KIF17: variants seen among roughly 807,000 people sequenced by gnomAD.
KIF17 encodes kinesin family member 17, also known as kinesin-like protein KIF17.
In KIF17, 80 loss-of-function variants were observed where a neutral mutation model predicts 96.8. The observed-to-expected ratio is 0.83, with a 90% confidence interval of 0.69 to 1.00. KIF17 has a LOEUF of 1.00. Among genes scored for constraint, KIF17 ranks in the 50% least tolerant of loss-of-function variants. KIF17 has a pLI of 0.00. For missense variants in KIF17, 1,280 were observed against 1,372.9 expected, an observed-to-expected ratio of 0.93 and a Z score of 1.07; for synonymous variants, 567 against 587.5, an observed-to-expected ratio of 0.97 and a Z score of 0.51.
intron 6 of KIF17, among the ~76,000 whole-genome samples, chr1:20,695,153 T>C (rs990631085): frequency 7.9e-5 from 12 of 151,966 alleles, no homozygotes; most frequent in Non-Finnish European, 1.3e-4. Context: ...CACACATGCA[T>C]GTGCACAGCA....
At chr1:20,664,807 G>T in intron 14 of KIF17, 45 bp from the exon 15 acceptor site, 1 of 1,577,862 alleles carries the variant, frequency 6.3e-7, no homozygotes, top group South Asian at 1.1e-5. Flanking sequence ...GGAGCGCAGG[G>T]ATGGAGAGAA....
chr1:20,710,343 G>A (rs61778505), intron 3 of KIF17, among the ~76,000 whole-genome samples: 9,637 of 152,110 alleles, frequency 0.063, 391 homozygotes, highest in South Asian at 0.094. Context: ...CCTCTGCCGT[G>A]GCTCTAGAAC....
chr1:20,668,213 G>A (rs1480885381), intron 13 of KIF17, among the ~76,000 whole-genome samples: 2 of 151,972 alleles, frequency 1.3e-5, no homozygotes, highest in African/African-American at 2.4e-5. Context: ...GGGAGGCTGA[G>A]GCAGGAGAAT....
At chr1:20,675,124 C>G (rs1208228086) in intron 11 of KIF17, among the ~76,000 whole-genome samples, 6 of 148,258 alleles carry the variant, frequency 4.0e-5, no homozygotes, top group Non-Finnish European at 7.4e-5. Context: ...GCACTCCAGC[C>G]TGGGTGACAG....
chr1:20,666,173 C>T, intron 14 of KIF17, 41 bp downstream of exon 14: 1 of 1,409,844 alleles, frequency 7.1e-7, no homozygotes, highest in South Asian at 1.1e-5. Flanking sequence ...ACGCCTCTCC[C>T]AGTTGTGTGG....
chr1:20,700,059 C>T lies in KIF17; in HGVS notation c.1124-1571G>A, dbSNP rs899272590. On this transcript the variant is annotated intron_variant, in intron 5 of 14. Coordinates refer to ENST00000400463, the MANE Select transcript of KIF17 (RefSeq NM_001122819.3). This position sits in a 1 kb window ranked among gnomAD's most constrained non-coding sequence, Gnocchi z 4.6. ...AGGGCAGCAGTGAACTGGCTGTAGC[C>T]AGTTTTTGTTTTGTTTTGTTTTGTT... 6.6e-6 allele frequency among the ~76,000 whole-genome samples: 1 copy of T among 152,006 alleles called. No homozygotes were observed. Among genetic ancestry groups the T allele is most frequent in the African/African-American group, 2.4e-5 (1 of 41,380 alleles).
intron 2 of KIF17, among the ~76,000 whole-genome samples, chr1:20,714,098 C>T (rs561110753): frequency 1.4e-4 from 22 of 152,192 alleles, no homozygotes; most frequent in Non-Finnish European, 2.5e-4. Flanking sequence ...GAGGCCAAGG[C>T]AGGCACATCA....
chr1:20,709,650 A>G lies in KIF17; in HGVS notation c.659T>C (p.Met220Thr). 6.2e-7 allele frequency: 1 copy of G among 1,614,006 alleles called. No homozygotes were observed. The highest frequency in any genetic ancestry group is 1.1e-5 in the South Asian group (1 of 91,078). ...SHSIFTISIE[M>T]SAVDERGKDH... ...ATGGCCTCGCATACCCACGGCAGAC[A>G]TCTCGATGCTGATGGTGAAGATGGA... Residue 220 changes from methionine (M) to threonine (T), a missense_variant, in exon 4 of 15, where the codon ATG (methionine) becomes ACG (threonine). Physicochemically the swap from Met to Thr is moderately conservative, Grantham distance 81. Coordinates refer to ENST00000400463, the MANE Select transcript of KIF17 (RefSeq NM_001122819.3). The surrounding 1 kb of genome is among the most constrained non-coding windows in gnomAD (Gnocchi z 4.7).
intron 5 of KIF17, among the ~76,000 whole-genome samples, chr1:20,702,798 T>C (rs909981075): frequency 2.6e-5 from 4 of 152,210 alleles, no homozygotes; most frequent in African/African-American, 9.6e-5. Flanking sequence ...TGGCTGACCA[T>C]GCACTCCTCT....
At chr1:20,707,825 G>A (rs1431965120) in intron 4 of KIF17, among the ~76,000 whole-genome samples, 1 of 134,502 alleles carries the variant, frequency 7.4e-6, no homozygotes, top group Non-Finnish European at 1.6e-5. Context: ...GTGTGTGTGT[G>A]TGTGTGTGTG....
At chr1:20,682,972 C>G in intron 10 of KIF17, 88 bp from the exon 11 acceptor site, 1 of 1,116,080 alleles carries the variant, frequency 9.0e-7, no homozygotes, top group Admixed American at 2.0e-5. Context: ...TATGCGTGGG[C>G]CCCCCAGATC....
At chr1:20,662,087 G>A (rs936886203), downstream of KIF17, among the ~76,000 whole-genome samples, 2 of 152,244 alleles carry the variant, frequency 1.3e-5, no homozygotes, top group African/African-American at 2.4e-5. Flanking sequence ...GCTGTAAATA[G>A]GACTAAGGAC....
chr1:20,703,181 G>GGATGGACA (rs1553151996), intron 5 of KIF17, among the ~76,000 whole-genome samples: 1 of 120,702 alleles, frequency 8.3e-6, no homozygotes, highest in Non-Finnish European at 1.8e-5. Context: ...ATGGATGAAT[G>GGATGGACA]GATGGACGGA....
intron 5 of KIF17, among the ~76,000 whole-genome samples, chr1:20,701,573 A>C (rs2054236916): frequency 6.6e-6 from 1 of 152,230 alleles, no homozygotes; most frequent in Admixed American, 6.5e-5. Context: ...GCAGAGGACC[A>C]GCCTGGGACA....
intron 13 of KIF17, among the ~76,000 whole-genome samples, chr1:20,666,793 C>G (rs2053537646): frequency 6.6e-6 from 1 of 152,198 alleles, no homozygotes; most frequent in Non-Finnish European, 1.5e-5. Context: ...TATTATTTTT[C>G]CCCACTATTA....
intron 8 of KIF17, chr1:20,686,514 A>G: frequency 3.3e-6 from 1 of 304,862 alleles, no homozygotes; most frequent in Non-Finnish European, 6.3e-6. Context: ...ACACACACAC[A>G]CACAGAGGAA....
intron 5 of KIF17, among the ~76,000 whole-genome samples, chr1:20,703,503 G>GATGGATGC (rs1281924885): frequency 1.8e-4 from 5 of 27,612 alleles, no homozygotes; most frequent in African/African-American, 5.2e-4. Flanking sequence ...TGGATGCATG[G>GATGGATGC]ATGGATGGAT....
chr1:20,717,857 CGGGG>C lies in KIF17; in HGVS notation c.-155_-152del. On this transcript the variant is annotated 5_prime_UTR_variant, in exon 1 of 15. Coordinates refer to ENST00000400463, the MANE Select transcript of KIF17 (RefSeq NM_001122819.3). ...GCCGCGGCGGGGGGCGGGGACCCCT[CGGGG>C]GGCGCCCCGGAGGGGAGCTGGGCGT... The C allele has an allele frequency of 4.2e-6, 2 of 480,312 alleles. No individual in the cohort carries two copies. The highest frequency in any genetic ancestry group is 5.0e-6 in the Non-Finnish European group (2 of 401,006). The allele number at this position is 480,312 out of a possible 1,614,324, so 29.8% of individuals were successfully genotyped here. A position where few individuals can be genotyped will look rare whatever the true frequency, so the allele number is the denominator to read the frequency against.
rs1174315600 is a variant in KIF17, at chr1:20,700,995, C to T, written c.1124-2507G>A. Among the ~76,000 whole-genome samples the T allele has an allele frequency of 6.6e-6, 1 of 152,182 alleles. No homozygotes were observed. Among genetic ancestry groups the T allele is most frequent in the Non-Finnish European group, 1.5e-5 (1 of 68,034 alleles). On this transcript the variant is annotated intron_variant, in intron 5 of 14. Transcript: ENST00000400463. This position sits in a 1 kb window ranked among gnomAD's most constrained non-coding sequence, Gnocchi z 4.6. ...CCCAGTAAAGGCTGTGGCCCGGGCC[C>T]CCACTCCCTTCTCCCTCCAGACCGA...
Sources: gnomAD v4.1 joint callset for allele counts (sites outside exome capture counted in the v4.1 genomes callset) on GRCh38, gnomAD v4.1.1 for gene constraint, Gnocchi (gnomAD v3.1) non-coding constraint, MANE v1.5 for transcripts, NCBI Gene and HGNC (gene_info 2026-07-23, HGNC 2026-07-21) for gene names.